Variants in CELF2 observed in about 807,000 individuals in gnomAD.
The protein encoded by CELF2 is CUGBP Elav-like family member 2, also known as CUG triplet repeat RNA-binding protein 2.
In CELF2, 8 loss-of-function variants were observed where a neutral mutation model predicts 62.6. The observed-to-expected ratio is 0.13, with a 90% CI of 0.07 to 0.23. CELF2 has a LOEUF of 0.23. Among genes scored for constraint, CELF2 ranks in the 10% least tolerant of loss-of-function variants. The pLI is 1.00. For synonymous variants in CELF2, 258 were observed against 250.0 expected (o/e 1.03, Z -0.30); for missense variants, 333 against 671.0 (o/e 0.50, Z 5.56).
intron 2 of CELF2, among the ~76,000 whole-genome samples, chr10:11,173,815 C>G (rs966179159): frequency 1.3e-5 from 2 of 152,142 alleles, no homozygotes; most frequent in African/African-American, 4.8e-5. Context: ...TCTTCGAAAC[C>G]ATTGGAACCT....
intron 8 of CELF2, among the ~76,000 whole-genome samples, chr10:11,279,707 T>G (rs982969434): frequency 1.3e-5 from 2 of 152,186 alleles, no homozygotes; most frequent in African/African-American, 4.8e-5. Context: ...AAGGTGAACA[T>G]TAAATTAAAT....
At chr10:10,919,269 GAA>G (rs5783186) in intron 1 of CELF2, among the ~76,000 whole-genome samples, 1 of 147,836 alleles carries the variant, frequency 6.8e-6, no homozygotes. Context: ...TACTCTGTCT[GAA>G]AAAAAAAAAG....
At chr10:10,625,555 A>G in the CELF2 span, among the ~76,000 whole-genome samples, 1 of 152,206 alleles carries the variant, frequency 6.6e-6, no homozygotes, top group African/African-American at 2.4e-5. Context: ...CAAATCTCGA[A>G]GCCCTGAACA....
At chr10:10,699,754 A>T in the CELF2 span, among the ~76,000 whole-genome samples, 13 of 152,178 alleles carry the variant, frequency 8.5e-5, no homozygotes, top group Admixed American at 6.5e-5. Flanking sequence ...AGCCTTGTTG[A>T]TCATTGTAAA....
intron 3 of CELF2, among the ~76,000 whole-genome samples, chr10:11,240,208 C>T (rs1398702753): frequency 6.6e-6 from 1 of 152,184 alleles, no homozygotes; most frequent in Non-Finnish European, 1.5e-5. Context: ...CCCGAATTTC[C>T]AAAGCAGTGT....
chr10:11,301,160 G>A (rs2093677794), intron 9 of CELF2, among the ~76,000 whole-genome samples: 2 of 152,044 alleles, frequency 1.3e-5, no homozygotes, highest in Admixed American at 6.5e-5. Context: ...ATAAAGAACT[G>A]GCAAATGTGA....
chr10:10,694,885 T>C, the CELF2 span, among the ~76,000 whole-genome samples: 1 of 151,380 alleles, frequency 6.6e-6, no homozygotes. Flanking sequence ...CTCCATCCTT[T>C]TATTTTGAGC....
the CELF2 span, among the ~76,000 whole-genome samples, chr10:10,542,699 C>G: frequency 6.6e-6 from 1 of 152,134 alleles, no homozygotes; most frequent in African/African-American, 2.4e-5. Context: ...AAATGGGAAG[C>G]AGGGGAAAAA....
rs1186010158 is a variant in CELF2, at chr10:10,954,210, AT to A, written c.89+34214del. Among the ~76,000 whole-genome samples, 10 of 114,926 alleles carry A rather than the reference AT, an allele frequency of 8.7e-5. No homozygotes were observed. In the South Asian group the frequency reaches 2.9e-3, roughly 33 times the overall value. 75.4% of individuals were successfully genotyped at this position (114,926 alleles called of 152,430 possible). ...TCTATAGAGGGCAATTTGGCAATTTATTTATTATTATTATTATTATTATTAT... is the reference window on the plus strand; with the variant it reads ...TCTATAGAGGGCAATTTGGCAATTTATTATTATTATTATTATTATTATTAT... On this transcript the variant is annotated intron_variant, in intron 2 of 13. Transcript: ENST00000636488.
chr10:11,197,128 C>T (rs2058167350), intron 2 of CELF2, among the ~76,000 whole-genome samples: 1 of 151,816 alleles, frequency 6.6e-6, no homozygotes. Flanking sequence ...TCATTGTCTG[C>T]GTTGGTTGAG....
Position 10,826,987 on chromosome 10 carries a change from G to A in CELF2, c.53+28170G>A, listed in dbSNP as rs572270839. 7.9e-5 allele frequency among the ~76,000 whole-genome samples: 12 copies of A among 152,244 alleles called. No homozygotes were observed. The South Asian group carries it at 2.1e-3, about 26-fold the overall frequency. On this transcript the variant is annotated intron_variant, in intron 1 of 13. Coordinates refer to the CELF2 transcript ENST00000636488. ...ATGCAGTGTTGTGACTTCCTTCCCT[G>A]GGATCTTTCAGGGAATGAGGTGTGA...
At chr10:10,924,385 G>A (rs2065245354) in intron 2 of CELF2, among the ~76,000 whole-genome samples, 1 of 150,776 alleles carries the variant, frequency 6.6e-6, no homozygotes. Context: ...TGAAAAAAAG[G>A]GAGCATTTTA....
intron 9 of CELF2, among the ~76,000 whole-genome samples, chr10:11,293,523 C>T (rs1169324093): frequency 2.5e-4 from 38 of 152,180 alleles, no homozygotes; most frequent in Admixed American, 2.5e-3. Flanking sequence ...GAGGAGCTGT[C>T]GGGCTGCTTG....
intron 1 of CELF2, among the ~76,000 whole-genome samples, chr10:11,050,291 C>T (rs1341182356): frequency 6.6e-6 from 1 of 152,212 alleles, no homozygotes; most frequent in South Asian, 2.1e-4. Flanking sequence ...ATCCTGCTTG[C>T]ACTGATCTCT....
intron 2 of CELF2, among the ~76,000 whole-genome samples, chr10:10,944,933 T>A (rs936047216): frequency 6.6e-6 from 1 of 152,020 alleles, no homozygotes; most frequent in African/African-American, 2.4e-5. Context: ...AGAAACTTAC[T>A]CATCTAAATG....
intron 1 of CELF2, among the ~76,000 whole-genome samples, chr10:10,832,436 G>T (rs2057945607): frequency 6.6e-6 from 1 of 152,074 alleles, no homozygotes; most frequent in Non-Finnish European, 1.5e-5. Flanking sequence ...GAGACAAGTA[G>T]GATCACCCGT....
intron 1 of CELF2, among the ~76,000 whole-genome samples, chr10:10,817,152 C>T (rs951598740): frequency 2.0e-5 from 3 of 152,052 alleles, no homozygotes; most frequent in Admixed American, 2.0e-4. Flanking sequence ...ACACATCTGT[C>T]TGTGTTAGGC....
intron 1 of CELF2, among the ~76,000 whole-genome samples, chr10:11,045,494 C>A (rs763045861): frequency 2.0e-5 from 3 of 151,994 alleles, no homozygotes; most frequent in South Asian, 4.1e-4. Flanking sequence ...CTGTAGCTAC[C>A]CTCTAAGTTT....
At chr10:10,985,412 C>T (rs1031886088) in intron 2 of CELF2, among the ~76,000 whole-genome samples, 2 of 152,008 alleles carry the variant, frequency 1.3e-5, no homozygotes, top group East Asian at 1.9e-4. Context: ...ATCAGCATGG[C>T]AATGCATTAT....
Sources: allele counts gnomAD v4.1 joint callset (sites outside exome capture counted in the v4.1 genomes callset), GRCh38; gene constraint gnomAD v4.1.1; transcripts MANE v1.5; gene names NCBI Gene and HGNC (gene_info 2026-07-23, HGNC 2026-07-21).